The following GLOD4 variants were observed in gnomAD, a reference collection of about 807,000 sequenced individuals.
GLOD4 encodes the protein glyoxalase domain containing 4.
In GLOD4, 44 loss-of-function variants were observed where a neutral mutation model predicts 39.1. That is an observed-to-expected ratio of 1.13 (90% CI 0.88 to 1.45). GLOD4 has a LOEUF of 1.45. Among genes scored for constraint, GLOD4 ranks in the 40% most tolerant of loss-of-function variants. The pLI, the probability that GLOD4 is intolerant of heterozygous loss-of-function variation, is 0.00. For synonymous variants in GLOD4, 145 were observed against 135.0 expected, an observed-to-expected ratio of 1.07 and a Z score of -0.52; for missense variants, 405 against 366.4, an observed-to-expected ratio of 1.11 and a Z score of -0.86.
chr17:771,981 C>A (rs1420281555), intron 4 of GLOD4, among the ~76,000 whole-genome samples: 1 of 141,480 alleles, frequency 7.1e-6, no homozygotes, highest in Non-Finnish European at 1.5e-5. Context: ...CCGTTGCACT[C>A]TAGCCTGGGA....
intron 4 of GLOD4, among the ~76,000 whole-genome samples, chr17:774,934 T>A (rs1049922958): frequency 1.3e-5 from 2 of 151,992 alleles, no homozygotes; most frequent in Non-Finnish European, 2.9e-5. Flanking sequence ...CTGGGCGTGG[T>A]GGCATGTGCC....
At position 770,044 on chromosome 17, in the gene GLOD4, AG is replaced by A; in HGVS notation, c.743del (p.Pro248LeufsTer69). 1.3e-6 allele frequency: 2 copies of A among 1,599,440 alleles called. No homozygotes were observed. The highest frequency in any genetic ancestry group is 1.1e-5 in the South Asian group (1 of 90,740). On this transcript the variant is annotated frameshift_variant and splice_region_variant, in exon 7 of 9. Coordinates refer to ENST00000301329, the MANE Select transcript of GLOD4 (RefSeq NM_016080.4). LOFTEE classifies it high-confidence loss of function. ...TGCCCCCTGCCTGAGAAATACTTAC[AG>A]GGTCGGCCAGAATGACCACCTGTAC... is the stretch of plus-strand genomic sequence containing the variant. ...ATVQVVILAD[P>X]DGHEICFVGD...
At chr17:783,198 T>G (rs775327680), upstream of GLOD4, 6 of 1,614,140 alleles carry the variant, frequency 3.7e-6, no homozygotes, top group Non-Finnish European at 5.1e-6. Context: ...GCCAAAAATG[T>G]TCTTCTTTAG....
At chr17:771,247 A>T in intron 5 of GLOD4, 78 bp downstream of exon 5, 1 of 813,780 alleles carries the variant, frequency 1.2e-6, no homozygotes, top group Non-Finnish European at 2.0e-6. Flanking sequence ...TTCATTTATA[A>T]AGGTTATAAG....
chr17:775,732 G>A, intron 4 of GLOD4, 43 bp downstream of exon 4: 3 of 1,544,278 alleles, frequency 1.9e-6, no homozygotes, highest in Non-Finnish European at 2.7e-6. Context: ...TTTCACCAAA[G>A]ATGCCTTTAG....
At chr17:782,532 C>T, upstream of GLOD4, 4 of 1,613,590 alleles carry the variant, frequency 2.5e-6, no homozygotes, top group Non-Finnish European at 2.5e-6. Context: ...GGAACAGAAG[C>T]GCGCTCCTGG....
At chr17:761,736 TC>T (rs1905472936) in intron 8 of GLOD4, among the ~76,000 whole-genome samples, 1 of 152,212 alleles carries the variant, frequency 6.6e-6, no homozygotes. Flanking sequence ...ACTCCTGACC[TC>T]AGGTGAGCCA....
intron 1 of GLOD4, among the ~76,000 whole-genome samples, chr17:781,044 C>T (rs1196357612): frequency 2.0e-5 from 3 of 151,710 alleles, no homozygotes; most frequent in Non-Finnish European, 2.9e-5. Flanking sequence ...CCTCAGCCTC[C>T]CGAGTAGCTG....
intron 8 of GLOD4, among the ~76,000 whole-genome samples, chr17:760,731 G>A (rs1018391430): frequency 2.0e-5 from 3 of 152,062 alleles, no homozygotes; most frequent in African/African-American, 4.8e-5. Context: ...TTCCTTTTTC[G>A]TAAGTCTCCT....
intron 8 of GLOD4, among the ~76,000 whole-genome samples, chr17:766,880 C>T (rs749908474): frequency 6.6e-6 from 1 of 152,180 alleles, no homozygotes. Context: ...CCCTGGGCGA[C>T]AGAGCTAGAC....
At chr17:769,820 G>A (rs773342760) in intron 8 of GLOD4, 49 bp downstream of exon 8, 1 of 1,062,548 alleles carries the variant, frequency 9.4e-7, no homozygotes, top group East Asian at 2.4e-5. Context: ...CACACTTAAT[G>A]CCATCCCTCT....
chr17:774,265 C>G (rs945473811), intron 4 of GLOD4, among the ~76,000 whole-genome samples: 7 of 152,312 alleles, frequency 4.6e-5, no homozygotes, highest in Admixed American at 3.9e-4. Flanking sequence ...ACAAGGAGCA[C>G]TGAACATTCT....
intron 4 of GLOD4, among the ~76,000 whole-genome samples, chr17:772,400 G>C (rs1908135770): frequency 6.6e-6 from 1 of 150,788 alleles, no homozygotes. Flanking sequence ...TTTTGGAGTA[G>C]AGGAAGATTT....
chr17:770,222 G>A (rs1907704320), intron 6 of GLOD4, 65 bp from the exon 7 acceptor site: 3 of 867,532 alleles, frequency 3.5e-6, no homozygotes, highest in Non-Finnish European at 5.8e-6. Flanking sequence ...GCCCTCGTCA[G>A]TCCTAGAGGA....
intron 2 of GLOD4, among the ~76,000 whole-genome samples, chr17:777,855 A>G (rs1450655896): frequency 6.6e-6 from 1 of 152,152 alleles, no homozygotes; most frequent in Non-Finnish European, 1.5e-5. Flanking sequence ...AGTGACTTAG[A>G]GTGGGGCCTC....
intron 2 of GLOD4, chr17:777,639 C>T (rs2144447219): frequency 6.6e-6 from 1 of 150,916 alleles, no homozygotes; most frequent in Middle Eastern, 3.4e-3. Context: ...GAGATTCTGT[C>T]TCAAAAAAAA....
intron 3 of GLOD4, among the ~76,000 whole-genome samples, chr17:776,585 G>A (rs188803355): frequency 1.3e-5 from 2 of 151,994 alleles, no homozygotes; most frequent in Admixed American, 1.3e-4. Flanking sequence ...TGGCACTGCC[G>A]ACCCCATCTC....
upstream of GLOD4, chr17:782,361 G>T (rs189016834): frequency 6.2e-7 from 1 of 1,613,260 alleles, no homozygotes; most frequent in South Asian, 1.1e-5. Flanking sequence ...TCGTGACGCA[G>T]CCCGGGTCTC....
chr17:783,331 A>C (rs779435146), upstream of GLOD4: 6 of 1,590,434 alleles, frequency 3.8e-6, no homozygotes, highest in Non-Finnish European at 5.1e-6. Flanking sequence ...ATAATGGGTT[A>C]GTGATTACCC....
Sources: gnomAD v4.1 joint callset for allele counts (sites outside exome capture counted in the v4.1 genomes callset) on GRCh38, gnomAD v4.1.1 for gene constraint, MANE v1.5 for transcripts, NCBI Gene and HGNC (gene_info 2026-07-23, HGNC 2026-07-21) for gene names.